The following WASF3 variants were observed in gnomAD, a reference collection of about 807,000 sequenced individuals.
The protein encoded by WASF3 is actin-binding protein WASF3.
In WASF3, 11 loss-of-function variants were observed where a neutral mutation model predicts 46.6. The ratio of observed to expected loss-of-function variants is 0.24; its 90% CI spans 0.15 to 0.39. The LOEUF (loss-of-function observed/expected upper bound fraction) is 0.39. Ranked by LOEUF, WASF3 falls within the 10% of genes least tolerant of loss-of-function variation. The pLI is 1.00. For missense variants in WASF3, 576 were observed against 669.8 expected (o/e 0.86, Z 1.55); for synonymous variants, 242 against 259.7 (o/e 0.93, Z 0.65).
At chr13:26,548,818 A>G in the WASF3 span, among the ~76,000 whole-genome samples, 43 of 152,094 alleles carry the variant, frequency 2.8e-4, no homozygotes, top group African/African-American at 1.0e-3. Context: ...AGCTGTCTCT[A>G]CTTGTCAAAA....
chr13:26,647,774 A>C (rs1481905454), intron 3 of WASF3, among the ~76,000 whole-genome samples: 1 of 152,150 alleles, frequency 6.6e-6, no homozygotes, highest in African/African-American at 2.4e-5. Context: ...GAAAAAAAAA[A>C]ATTTGGCGAC....
At chr13:26,680,038 G>A in intron 7 of WASF3, 1 of 1,596,306 alleles carries the variant, frequency 6.3e-7, no homozygotes, top group Non-Finnish European at 8.5e-7. Context: ...CCTTCAGAGA[G>A]AGAAACACAA....
chr13:26,559,826 TTTTTTTTTG>T (rs1879237222), intron 1 of WASF3, among the ~76,000 whole-genome samples: 4 of 129,410 alleles, frequency 3.1e-5, no homozygotes, highest in Non-Finnish European at 6.6e-5. Flanking sequence ...TTTTTTTTTT[TTTTTTTTTG>T]AGACGGAGTC....
chr13:26,661,069 G>A (rs988403157), intron 3 of WASF3, among the ~76,000 whole-genome samples: 1 of 152,214 alleles, frequency 6.6e-6, no homozygotes, highest in African/African-American at 2.4e-5. Context: ...GTCTATTCAC[G>A]AGGGATCCAC....
intron 4 of WASF3, among the ~76,000 whole-genome samples, chr13:26,666,866 C>CAAAAAAA (rs1168774717): frequency 5.3e-4 from 33 of 62,802 alleles, no homozygotes; most frequent in African/African-American, 1.5e-3. Flanking sequence ...AAGACTGTCT[C>CAAAAAAA]AAAAAAAAAA....
At chr13:26,594,181 G>T (rs1028938421) in intron 1 of WASF3, among the ~76,000 whole-genome samples, 5 of 151,946 alleles carry the variant, frequency 3.3e-5, no homozygotes, top group Admixed American at 1.3e-4. Context: ...TTCTCATTTT[G>T]TATTTACTCC....
chr13:26,568,118 T>C (rs1376287187), intron 1 of WASF3, among the ~76,000 whole-genome samples: 3 of 151,956 alleles, frequency 2.0e-5, no homozygotes, highest in Non-Finnish European at 4.4e-5. Flanking sequence ...TGTAGGGCCG[T>C]ATAGACTGTG....
chr13:26,567,104 A>C (rs1164868875), intron 1 of WASF3, among the ~76,000 whole-genome samples: 2 of 152,216 alleles, frequency 1.3e-5, no homozygotes, highest in African/African-American at 4.8e-5. Context: ...CCTTAAATAA[A>C]GTGAAAGTAC....
At position 26,623,059 on chromosome 13, in the gene WASF3, G is replaced by C. The variant is rs892494297; in HGVS notation, c.-11+10001G>C. Among the ~76,000 whole-genome samples the C allele has an allele frequency of 5.3e-5, 8 of 152,160 alleles. No homozygotes were observed. The East Asian group carries it at 1.5e-3, about 29-fold the overall frequency. ...TTTCACATTTAGCAGAGCACAGGGG[G>C]AACAGGTAACCATCATAGAAGTGCA... On this transcript the variant is annotated intron_variant, in intron 2 of 9. Coordinates refer to ENST00000335327, the MANE Select transcript of WASF3 (RefSeq NM_006646.6).
intron 3 of WASF3, among the ~76,000 whole-genome samples, chr13:26,652,687 A>G (rs1882348068): frequency 6.6e-6 from 1 of 152,208 alleles, no homozygotes; most frequent in Non-Finnish European, 1.5e-5. Flanking sequence ...TTTTTAGATA[A>G]TGCTCAAATA....
At chr13:26,650,264 C>G (rs1024255794) in intron 3 of WASF3, among the ~76,000 whole-genome samples, 5 of 152,116 alleles carry the variant, frequency 3.3e-5, no homozygotes, top group African/African-American at 1.2e-4. Flanking sequence ...GCCCCAGGCT[C>G]ACTAGAAGAC....
At position 26,577,036 on chromosome 13, in the gene WASF3, A is replaced by G. The variant is rs549737450; in HGVS notation, c.-109+19217A>G. ...GAATATTGGAAAGATGCTAGTCACC[A>G]GGACCCAAGGAAACAAAATTGCATC... On this transcript the variant is annotated intron_variant, in intron 1 of 9. Coordinates refer to ENST00000335327, the MANE Select transcript of WASF3 (RefSeq NM_006646.6). 2.6e-5 allele frequency: 19 copies of G among 721,430 alleles called. No homozygotes were observed. In the South Asian group the frequency reaches 2.7e-4, roughly 10 times the overall value. The allele number at this position is 721,430 out of a possible 1,614,324, so 44.7% of individuals were successfully genotyped here. A position where few individuals can be genotyped will look rare whatever the true frequency, so the allele number is the denominator to read the frequency against.
intron 1 of WASF3, among the ~76,000 whole-genome samples, chr13:26,583,399 C>A (rs1880040235): frequency 6.6e-6 from 1 of 152,170 alleles, no homozygotes; most frequent in Non-Finnish European, 1.5e-5. Flanking sequence ...AGGGCTCCTT[C>A]TCCTATAGTG....
chr13:26,597,149 T>A (rs1461856484), intron 1 of WASF3, among the ~76,000 whole-genome samples: 1 of 152,186 alleles, frequency 6.6e-6, no homozygotes, highest in African/African-American at 2.4e-5. Context: ...TATTATTATT[T>A]TTTTGAGACA....
At chr13:26,683,834 G>A (rs1432629939) in intron 9 of WASF3, among the ~76,000 whole-genome samples, 1 of 152,132 alleles carries the variant, frequency 6.6e-6, no homozygotes, top group Non-Finnish European at 1.5e-5. Context: ...CGCCTGTCTT[G>A]GGCTGCCCAG....
intron 2 of WASF3, among the ~76,000 whole-genome samples, chr13:26,617,543 G>A (rs1487905126): frequency 1.3e-5 from 2 of 152,172 alleles, no homozygotes; most frequent in African/African-American, 4.8e-5. Flanking sequence ...ACTGAGTCCA[G>A]GCTGCCTGGG....
chr13:26,580,626 C>CTT (rs5802384), intron 1 of WASF3, among the ~76,000 whole-genome samples: 3 of 136,952 alleles, frequency 2.2e-5, no homozygotes, highest in African/African-American at 5.4e-5. Flanking sequence ...TTTTTTCTTT[C>CTT]TTTTTTTTTT....
intron 5 of WASF3, among the ~76,000 whole-genome samples, chr13:26,670,561 C>T (rs1380813783): frequency 3.3e-5 from 5 of 152,182 alleles, no homozygotes; most frequent in Admixed American, 6.5e-5. Context: ...AGTGAGTTCC[C>T]GCCTTCATGA....
chr13:26,589,254 T>G (rs1370970373), intron 1 of WASF3, among the ~76,000 whole-genome samples: 3 of 152,238 alleles, frequency 2.0e-5, no homozygotes, highest in Non-Finnish European at 4.4e-5. Context: ...AAGTTTCAAC[T>G]TGTTCTATCA....
Sources: gnomAD v4.1 joint callset for allele counts (sites outside exome capture counted in the v4.1 genomes callset) on GRCh38, gnomAD v4.1.1 for gene constraint, MANE v1.5 for transcripts, NCBI Gene and HGNC (gene_info 2026-07-23, HGNC 2026-07-21) for gene names.